ST8SIA2: variants seen among roughly 807,000 people sequenced by gnomAD.
ST8SIA2 encodes the protein ST8 alpha-N-acetyl-neuraminide alpha-2,8-sialyltransferase 2.
ST8SIA2 carries 22 observed loss-of-function variants against 37.6 expected under a neutral mutation model. The ratio of observed to expected loss-of-function variants is 0.58; its 90% CI spans 0.42 to 0.83. The LOEUF (loss-of-function observed/expected upper bound fraction) is 0.83, where lower values mean the gene tolerates loss of function less well. ST8SIA2 is among the 40% of genes least tolerant of loss of function. The pLI is 0.00. For missense variants in ST8SIA2, 382 were observed against 484.7 expected (o/e 0.79, Z 1.99); for synonymous variants, 205 against 201.2 (o/e 1.02, Z -0.16).
intron 2 of ST8SIA2, among the ~76,000 whole-genome samples, chr15:92,433,374 C>T (rs1188136633): frequency 6.6e-6 from 1 of 152,170 alleles, no homozygotes; most frequent in Non-Finnish European, 1.5e-5. Flanking sequence ...CATCCAGCAG[C>T]AAGGCGGCTA....
chr15:92,455,184 G>C (rs991952011), intron 5 of ST8SIA2, among the ~76,000 whole-genome samples: 2 of 152,170 alleles, frequency 1.3e-5, no homozygotes, highest in Admixed American at 1.3e-4. Context: ...AATCCAGAGA[G>C]TGTGTCCCTA....
chr15:92,461,692 G>A (rs1289285782), intron 5 of ST8SIA2, among the ~76,000 whole-genome samples: 1 of 152,236 alleles, frequency 6.6e-6, no homozygotes, highest in Non-Finnish European at 1.5e-5. Context: ...GCTGAAGCTG[G>A]AGGGTGGCAC....
chr15:92,424,347 C>T (rs1427364134), intron 1 of ST8SIA2, among the ~76,000 whole-genome samples: 1 of 151,818 alleles, frequency 6.6e-6, no homozygotes, highest in Non-Finnish European at 1.5e-5. Context: ...CATGATGTAC[C>T]CCATAAATAT....
At position 92,468,012 on chromosome 15, in the gene ST8SIA2, C is replaced by G. The variant is rs2050005064; in HGVS notation, c.*3627C>G. On this transcript the variant is annotated 3_prime_UTR_variant, in exon 6 of 6. Coordinates refer to ENST00000268164, the MANE Select transcript of ST8SIA2 (RefSeq NM_006011.4). ...CTTTTTCTAGTAAAAGACCCGTGAT[C>G]CCGTCAGCCACCCAGTCTGAGATGC... 6.6e-6 allele frequency: 1 copy of G among 152,276 alleles called. No individual in the cohort carries two copies. The highest frequency in any genetic ancestry group is 2.4e-5 in the African/African-American group (1 of 41,454). The allele number at this position is 152,276 out of a possible 1,614,324, so 9.4% of individuals were successfully genotyped here. A position where few individuals can be genotyped will look rare whatever the true frequency, so the allele number is the denominator to read the frequency against.
At chr15:92,407,370 T>C (rs2049516111) in intron 1 of ST8SIA2, among the ~76,000 whole-genome samples, 1 of 152,180 alleles carries the variant, frequency 6.6e-6, no homozygotes. Context: ...ATTACATAAG[T>C]CCAAGGAGGA....
intron 1 of ST8SIA2, among the ~76,000 whole-genome samples, chr15:92,399,591 C>T (rs572213035): frequency 6.6e-5 from 10 of 151,176 alleles, no homozygotes; most frequent in South Asian, 4.2e-4. Context: ...TTGCTCAACA[C>T]GATGCATTTT....
chr15:92,431,723 G>T (rs898170074), intron 2 of ST8SIA2, among the ~76,000 whole-genome samples: 2 of 152,194 alleles, frequency 1.3e-5, no homozygotes, highest in Non-Finnish European at 2.9e-5. Flanking sequence ...CCTGTGAACC[G>T]AGGTGGACCC....
At chr15:92,406,741 A>G (rs2049510371) in intron 1 of ST8SIA2, among the ~76,000 whole-genome samples, 1 of 152,186 alleles carries the variant, frequency 6.6e-6, no homozygotes, top group African/African-American at 2.4e-5. Context: ...CATGCCTGTA[A>G]TCCCAGCACT....
chr15:92,459,951 C>T (rs1486675617), intron 5 of ST8SIA2, among the ~76,000 whole-genome samples: 1 of 152,180 alleles, frequency 6.6e-6, no homozygotes, highest in Non-Finnish European at 1.5e-5. Flanking sequence ...TCTGGGACCA[C>T]CATACTCAAC....
chr15:92,417,149 A>G (rs956870045), intron 1 of ST8SIA2, among the ~76,000 whole-genome samples: 1 of 152,196 alleles, frequency 6.6e-6, no homozygotes, highest in East Asian at 1.9e-4. Flanking sequence ...AGAGGAGGAC[A>G]TCAAAACTGA....
chr15:92,454,640 C>T (rs373306263), intron 5 of ST8SIA2, among the ~76,000 whole-genome samples: 1 of 151,932 alleles, frequency 6.6e-6, no homozygotes, highest in Non-Finnish European at 1.5e-5. Context: ...AAGCAGAAGG[C>T]CTGCCCTTCC....
At chr15:92,453,839 C>T (rs774423099) in intron 5 of ST8SIA2, among the ~76,000 whole-genome samples, 2 of 152,328 alleles carry the variant, frequency 1.3e-5, no homozygotes, top group East Asian at 1.9e-4. Flanking sequence ...AACAAGGCTC[C>T]TGCCCTCCAT....
At chr15:92,448,605 C>A (rs575389071) in intron 5 of ST8SIA2, among the ~76,000 whole-genome samples, 3 of 152,230 alleles carry the variant, frequency 2.0e-5, no homozygotes, top group African/African-American at 7.2e-5. Context: ...TGCCTTCCCC[C>A]AGAGCCCCGC....
intron 5 of ST8SIA2, among the ~76,000 whole-genome samples, chr15:92,446,473 A>G (rs1356412669): frequency 6.6e-6 from 1 of 152,222 alleles, no homozygotes; most frequent in African/African-American, 2.4e-5. Context: ...CTGCCTCTCA[A>G]TGGGAAAGTG....
At chr15:92,446,180 G>A (rs1301376764) in intron 5 of ST8SIA2, among the ~76,000 whole-genome samples, 3 of 152,134 alleles carry the variant, frequency 2.0e-5, no homozygotes, top group African/African-American at 7.2e-5. Context: ...AAACAGTGGG[G>A]GGCTGAAGCA....
chr15:92,441,763 T>A (rs1421379717), intron 4 of ST8SIA2, among the ~76,000 whole-genome samples: 1 of 152,222 alleles, frequency 6.6e-6, no homozygotes, highest in East Asian at 1.9e-4. Flanking sequence ...TATTAACTTA[T>A]TTAATTATCA....
At chr15:92,417,481 G>A (rs957873340) in intron 1 of ST8SIA2, 6 of 152,262 alleles carry the variant, frequency 3.9e-5, no homozygotes, top group African/African-American at 1.4e-4. Flanking sequence ...GGGAACAAAA[G>A]AGAGGGAAGA....
intron 4 of ST8SIA2, among the ~76,000 whole-genome samples, 164 bp from the exon 5 acceptor site, chr15:92,444,472 G>A (rs2141839033): frequency 6.6e-6 from 1 of 152,350 alleles, no homozygotes; most frequent in Non-Finnish European, 1.5e-5. Context: ...GCAGAAAAAG[G>A]AGGAGAAAGG....
rs573924362 is a variant in ST8SIA2 at position 92,400,868 on chromosome 15, G to T, written c.98+6706G>T. Among the ~76,000 whole-genome samples, 16 of 152,300 alleles carry T rather than the reference G, an allele frequency of 1.1e-4. No homozygotes were observed. In the East Asian group the frequency reaches 3.1e-3, roughly 29 times the overall value. On this transcript the variant is annotated intron_variant, in intron 1 of 5. Transcript: ENST00000268164. Reference sequence around the variant, plus strand: ...GGCCAGCTGTTTCCGTGCAAGGGCTGGTCCCCAGGTAGGATGCTGGAAACT... The same window carrying T: ...GGCCAGCTGTTTCCGTGCAAGGGCTTGTCCCCAGGTAGGATGCTGGAAACT...
Sources: allele counts gnomAD v4.1 joint callset (sites outside exome capture counted in the v4.1 genomes callset), GRCh38; gene constraint gnomAD v4.1.1; transcripts MANE v1.5; gene names NCBI Gene and HGNC (gene_info 2026-07-23, HGNC 2026-07-21).